ANKFN1: variants seen among roughly 807,000 people sequenced by gnomAD.
ANKFN1 encodes ankyrin repeat and fibronectin type III domain containing 1.
In ANKFN1, 74 loss-of-function variants were observed where a neutral mutation model predicts 108.7. The observed-to-expected ratio is 0.68, with a 90% CI of 0.56 to 0.83. The LOEUF is 0.83. ANKFN1 is among the 40% of genes least tolerant of loss of function. ANKFN1 has a pLI of 0.00. For missense variants in ANKFN1, 1,505 were observed against 1,382.3 expected, an observed-to-expected ratio of 1.09 and a Z score of -1.41; for synonymous variants, 547 against 516.2, an observed-to-expected ratio of 1.06 and a Z score of -0.81.
chr17:56,423,026 A>T (rs1332636526), intron 8 of ANKFN1, among the ~76,000 whole-genome samples: 1 of 152,208 alleles, frequency 6.6e-6, no homozygotes, highest in Non-Finnish European at 1.5e-5. Context: ...ATGGGACTCA[A>T]ACTTTTGTCA....
At chr17:56,054,631 A>G (rs1904834115) in intron 4 of ANKFN1, among the ~76,000 whole-genome samples, 1 of 152,332 alleles carries the variant, frequency 6.6e-6, no homozygotes, top group South Asian at 2.1e-4. Flanking sequence ...TTAATTGCAG[A>G]CTGAGCATGG....
intron 3 of ANKFN1, among the ~76,000 whole-genome samples, chr17:56,231,839 T>C (rs1456998590): frequency 6.6e-6 from 1 of 152,200 alleles, no homozygotes; most frequent in Non-Finnish European, 1.5e-5. Flanking sequence ...TGTTATGGAA[T>C]CATAAATCAT....
intron 1 of ANKFN1, among the ~76,000 whole-genome samples, chr17:56,200,326 G>A (rs1378284262): frequency 6.6e-6 from 1 of 152,146 alleles, no homozygotes; most frequent in African/African-American, 2.4e-5. Context: ...CACTGAAATG[G>A]AATCAAGAGA....
intron 15 of ANKFN1, among the ~76,000 whole-genome samples, chr17:56,470,919 C>T (rs535373299): frequency 5.9e-5 from 9 of 152,306 alleles, no homozygotes; most frequent in African/African-American, 2.2e-4. Flanking sequence ...AGAAAGGCCC[C>T]TCTCAGGTGC....
chr17:56,475,764 G>A (rs2050476919), intron 15 of ANKFN1, among the ~76,000 whole-genome samples: 1 of 152,150 alleles, frequency 6.6e-6, no homozygotes, highest in South Asian at 2.1e-4. Context: ...TAAGGCACCT[G>A]AACTTTACTC....
intron 1 of ANKFN1, among the ~76,000 whole-genome samples, chr17:56,201,354 G>C (rs1019238): frequency 7.9e-5 from 12 of 151,882 alleles, no homozygotes; most frequent in African/African-American, 2.9e-4. Context: ...TTGTTTGAGC[G>C]CTCCTTTCTC....
At chr17:56,053,465 A>G (rs1383713172) in intron 4 of ANKFN1, among the ~76,000 whole-genome samples, 1 of 152,188 alleles carries the variant, frequency 6.6e-6, no homozygotes, top group Non-Finnish European at 1.5e-5. Context: ...TCTCTCCATG[A>G]CATTGCAAAT....
At chr17:56,047,339 C>T (rs549245483) in intron 4 of ANKFN1, among the ~76,000 whole-genome samples, 24 of 151,444 alleles carry the variant, frequency 1.6e-4, no homozygotes, top group African/African-American at 5.5e-4. Context: ...CATACTAGTT[C>T]ATCTCCAAGA....
chr17:56,275,989 T>C (rs2043921522), intron 3 of ANKFN1, among the ~76,000 whole-genome samples: 1 of 152,202 alleles, frequency 6.6e-6, no homozygotes, highest in South Asian at 2.1e-4. Flanking sequence ...TTACATTAGA[T>C]ATTTCTCCTG....
chr17:56,261,013 C>T (rs1362415605), intron 3 of ANKFN1, among the ~76,000 whole-genome samples: 1 of 152,218 alleles, frequency 6.6e-6, no homozygotes, highest in Non-Finnish European at 1.5e-5. Context: ...AGATCGGAAT[C>T]TGTCCCTAAA....
At chr17:56,411,063 A>G (rs955183978) in intron 8 of ANKFN1, among the ~76,000 whole-genome samples, 1 of 151,766 alleles carries the variant, frequency 6.6e-6, no homozygotes, top group African/African-American at 2.4e-5. Context: ...TGGAATTTTG[A>G]TAGAGATTGC....
chr17:56,173,738 A>T (rs1910882099), intron 1 of ANKFN1, among the ~76,000 whole-genome samples: 1 of 152,136 alleles, frequency 6.6e-6, no homozygotes. Context: ...CTGGGATTCC[A>T]GGTGTAAGTC....
At chr17:56,381,381 TCTC>T (rs2047098913) in intron 8 of ANKFN1, among the ~76,000 whole-genome samples, 1 of 152,090 alleles carries the variant, frequency 6.6e-6, no homozygotes, top group Non-Finnish European at 1.5e-5. Flanking sequence ...GCAGAGTGCC[TCTC>T]CTCCTCCAAA....
chr17:56,065,699 C>T (rs1200020967), intron 4 of ANKFN1, among the ~76,000 whole-genome samples: 1 of 152,176 alleles, frequency 6.6e-6, no homozygotes, highest in African/African-American at 2.4e-5. Flanking sequence ...AGAACACACA[C>T]ATTTGCCATT....
intron 1 of ANKFN1, among the ~76,000 whole-genome samples, chr17:56,201,236 C>T (rs1914027270): frequency 6.6e-6 from 1 of 152,192 alleles, no homozygotes; most frequent in Admixed American, 6.5e-5. Context: ...CCTCCTCAAA[C>T]CCACCATAGT....
intron 4 of ANKFN1, among the ~76,000 whole-genome samples, chr17:56,072,666 C>T (rs565313178): frequency 6.6e-6 from 1 of 152,310 alleles, no homozygotes; most frequent in South Asian, 2.1e-4. Flanking sequence ...GCAGCTTTCT[C>T]TTCGGTAACT....
intron 4 of ANKFN1, among the ~76,000 whole-genome samples, chr17:56,097,785 G>A (rs868494100): frequency 6.6e-6 from 1 of 152,198 alleles, no homozygotes; most frequent in Non-Finnish European, 1.5e-5. Context: ...ATCAGGCAAG[G>A]TATGCTGGTT....
intron 8 of ANKFN1, among the ~76,000 whole-genome samples, chr17:56,431,428 G>T (rs975629709): frequency 1.3e-5 from 2 of 152,128 alleles, no homozygotes; most frequent in South Asian, 2.1e-4. Flanking sequence ...ATGACCTAAG[G>T]CTCAGAAATT....
rs1433162811 is a variant in ANKFN1 at position 56,188,577 on chromosome 17, G to GTATATATATATA, written c.-70-24020_-70-24019insATATATATATAT. On this transcript the variant is annotated intron_variant, in intron 1 of 20. Coordinates refer to ENST00000682825, the MANE Select transcript of ANKFN1 (RefSeq NM_001370326.1). ...TGTGTGTGTGTATGTGTGTGTGTGTGTGTGTATATATATATATATATATAT... is the reference window on the plus strand; with the variant it reads ...TGTGTGTGTGTATGTGTGTGTGTGTGTATATATATATATGTGTATATATATATATATATATAT... 7.3e-4 allele frequency among the ~76,000 whole-genome samples: 59 copies of GTATATATATATA among 80,712 alleles called. 1 individual carries two copies. Among genetic ancestry groups the GTATATATATATA allele is most frequent in the South Asian group, 1.1e-3 (3 of 2,726 alleles). The allele number at this position is 80,712 out of a possible 152,430, so 53.0% of individuals were successfully genotyped here. A position where few individuals can be genotyped will look rare whatever the true frequency, so the allele number is the denominator to read the frequency against.
Sources: allele counts gnomAD v4.1 joint callset (sites outside exome capture counted in the v4.1 genomes callset), GRCh38; gene constraint gnomAD v4.1.1; transcripts MANE v1.5; gene names NCBI Gene and HGNC (gene_info 2026-07-23, HGNC 2026-07-21).